PRIMPOL: variants seen among roughly 807,000 people sequenced by gnomAD.
PRIMPOL encodes primase and DNA directed polymerase.
A neutral mutation model predicts 63.6 loss-of-function variants in PRIMPOL; 54 were observed. The observed-to-expected ratio is 0.85, with a 90% CI of 0.68 to 1.07. PRIMPOL has a LOEUF of 1.07. Among genes scored for constraint, PRIMPOL ranks in the 50% least tolerant of loss-of-function variants. The probability of loss-of-function intolerance (pLI) is 0.00; values close to 1 mark genes in which losing one functional copy is unlikely to be tolerated. For synonymous variants in PRIMPOL, 197 were observed against 220.2 expected, an observed-to-expected ratio of 0.89 and a Z score of 0.93; for missense variants, 610 against 648.3, an observed-to-expected ratio of 0.94 and a Z score of 0.64.
At chr4:184,693,439 C>T (rs1297673016) in intron 13 of PRIMPOL, among the ~76,000 whole-genome samples, 1 of 152,124 alleles carries the variant, frequency 6.6e-6, no homozygotes, top group Non-Finnish European at 1.5e-5. Context: ...ATTACCACTA[C>T]TTGGACATAA....
chr4:184,670,999 T>G (rs902731550), intron 6 of PRIMPOL, among the ~76,000 whole-genome samples: 4 of 152,244 alleles, frequency 2.6e-5, no homozygotes, highest in Non-Finnish European at 5.9e-5. Flanking sequence ...TAAATTTTTC[T>G]TACAGTATTG....
intron 4 of PRIMPOL, 22 bp from the exon 5 acceptor site, chr4:184,661,752 A>T: frequency 6.7e-7 from 1 of 1,484,274 alleles, no homozygotes; most frequent in Non-Finnish European, 9.3e-7. Context: ...TCAATTTAAC[A>T]ATCTTGAATT....
chr4:184,687,544 C>G (rs900874996), intron 11 of PRIMPOL, among the ~76,000 whole-genome samples: 12 of 152,200 alleles, frequency 7.9e-5, no homozygotes, highest in African/African-American at 2.9e-4. Context: ...ATTTTGTGTT[C>G]ATCTTTTCCT....
chr4:184,667,933 AC>A (rs1727220005), intron 6 of PRIMPOL, among the ~76,000 whole-genome samples: 1 of 152,126 alleles, frequency 6.6e-6, no homozygotes, highest in South Asian at 2.1e-4. Context: ...GTGGTTTGTT[AC>A]ATTTGCAGGC....
At chr4:184,676,281 A>G (rs944576890) in intron 7 of PRIMPOL, among the ~76,000 whole-genome samples, 1 of 147,822 alleles carries the variant, frequency 6.8e-6, no homozygotes, top group African/African-American at 2.5e-5. Context: ...ATACAAATCA[A>G]TCTTTCTTCC....
chr4:184,650,437 A>G (rs1006919611), intron 1 of PRIMPOL, among the ~76,000 whole-genome samples: 30 of 152,324 alleles, frequency 2.0e-4, no homozygotes, highest in African/African-American at 7.0e-4. Flanking sequence ...TGTGGTGAGA[A>G]CTGGTAATGG....
At chr4:184,673,933 C>G (rs1752614066) in intron 7 of PRIMPOL, among the ~76,000 whole-genome samples, 1 of 152,222 alleles carries the variant, frequency 6.6e-6, no homozygotes, top group Non-Finnish European at 1.5e-5. Flanking sequence ...TGAGGTCGAG[C>G]AGCCACACGG....
rs751586530 is a variant in PRIMPOL, at chr4:184,685,679, T to C, written c.1290T>C (p.Asn430=). Residue 430 remains asparagine, a synonymous_variant, in exon 11 of 14, where the codon AAT becomes AAC. Transcript: ENST00000314970. ...ENIGRAHKSN[N]IMILVDLKNE... ...TTGGAAGAGCCCATAAGAGTAATAA[T>C]ATAATGTAAGTAATATTAATGATTT... The C allele has an allele frequency of 5.6e-6, 8 of 1,416,288 alleles. No homozygotes were observed. In the East Asian group the frequency reaches 6.9e-5, roughly 12 times the overall value. The allele number at this position is 1,416,288 out of a possible 1,614,324, so 87.7% of individuals were successfully genotyped here.
intron 6 of PRIMPOL, among the ~76,000 whole-genome samples, chr4:184,671,794 G>C (rs948323429): frequency 4.9e-5 from 7 of 141,490 alleles, no homozygotes; most frequent in Admixed American, 7.5e-5. Flanking sequence ...CCAGGCTGGA[G>C]TGCAGTGGCG....
intron 2 of PRIMPOL, among the ~76,000 whole-genome samples, chr4:184,656,745 C>T (rs1014795648): frequency 2.0e-5 from 3 of 152,202 alleles, no homozygotes; most frequent in Non-Finnish European, 4.4e-5. Flanking sequence ...CATATATTTA[C>T]ATGAGGCTTT....
intron 7 of PRIMPOL, among the ~76,000 whole-genome samples, chr4:184,676,035 C>T (rs530514885): frequency 5.9e-5 from 9 of 152,214 alleles, no homozygotes; most frequent in Admixed American, 3.3e-4. Context: ...GTTAAAGAAA[C>T]GTGGCCTATC....
At position 184,694,675 on chromosome 4, in the gene PRIMPOL, G is replaced by A; in HGVS notation, c.1579G>A (p.Glu527Lys). ...TGATGCTTATTTTTTAGAAGCTACT[G>A]AAGATGCTGAATTAGCTGAAGCTGC... is the stretch of plus-strand genomic sequence containing the variant. The part of the protein sequence containing the change: ...IDDAYFLEAT[E>K]DAELAEAAEN... The change falls in exon 14 of 14, where the codon GAA becomes AAA. Residue 527 changes from glutamate to lysine, a missense_variant. Glu to Lys is a moderately conservative substitution (Grantham distance 56, BLOSUM62 1). This residue lies in a region of PRIMPOL where 444 missense variants were observed against 456.4 expected (regional missense o/e 0.97). Transcript: ENST00000314970. 6 of 1,614,128 alleles carry A rather than the reference G, an allele frequency of 3.7e-6. No homozygotes were observed. The highest frequency in any genetic ancestry group is 4.2e-6 in the Non-Finnish European group (5 of 1,179,976).
intron 5 of PRIMPOL, among the ~76,000 whole-genome samples, chr4:184,665,552 G>A (rs1285757716): frequency 7.1e-6 from 1 of 141,318 alleles, no homozygotes; most frequent in Non-Finnish European, 1.5e-5. Context: ...CACCCAGACT[G>A]GAGTGCAGTG....
chr4:184,685,308 A>C, intron 9 of PRIMPOL, 101 bp from the exon 10 acceptor site: 2 of 816,384 alleles, frequency 2.4e-6, no homozygotes, highest in African/African-American at 1.7e-5. Context: ...GGGAAGGCTG[A>C]GAGATTGCAA....
intron 9 of PRIMPOL, among the ~76,000 whole-genome samples, chr4:184,682,990 C>T (rs1756048670): frequency 1.3e-5 from 2 of 152,200 alleles, no homozygotes; most frequent in African/African-American, 4.8e-5. Context: ...GTTGAAGCTA[C>T]AGTGAGTCTT....
At chr4:184,676,388 CCCT>C (rs1444783919) in intron 7 of PRIMPOL, among the ~76,000 whole-genome samples, 4 of 88,142 alleles carry the variant, frequency 4.5e-5, no homozygotes, top group African/African-American at 2.3e-4. Context: ...CCCTTCCTTT[CCCT>C]TCCCTTCCCC....
intron 7 of PRIMPOL, among the ~76,000 whole-genome samples, chr4:184,675,692 C>T (rs1198314687): frequency 1.3e-5 from 2 of 152,092 alleles, no homozygotes; most frequent in African/African-American, 4.8e-5. Flanking sequence ...TGGTGCATGC[C>T]TGTAATCCCA....
intron 11 of PRIMPOL, among the ~76,000 whole-genome samples, chr4:184,686,310 C>G (rs892509169): frequency 5.9e-5 from 9 of 152,112 alleles, no homozygotes; most frequent in African/African-American, 2.2e-4. Context: ...GGGAAGCATG[C>G]CTGTCCTTCC....
chr4:184,692,386 A>C (rs1354633948), intron 13 of PRIMPOL, among the ~76,000 whole-genome samples: 1 of 148,840 alleles, frequency 6.7e-6, no homozygotes, highest in Non-Finnish European at 1.5e-5. Context: ...AGGCAGGAGA[A>C]TCCCTTGAAC....
Sources: gnomAD v4.1 joint callset for allele counts (sites outside exome capture counted in the v4.1 genomes callset) on GRCh38, gnomAD v4.1.1 for gene constraint, gnomAD v4.1.1 regional missense constraint, MANE v1.5 for transcripts, NCBI Gene and HGNC (gene_info 2026-07-23, HGNC 2026-07-21) for gene names.